KLHL22: variants seen among roughly 807,000 people sequenced by gnomAD.
The protein encoded by KLHL22 is kelch-like protein 22.
A neutral mutation model predicts 60.7 loss-of-function variants in KLHL22; 18 were observed. That is an observed-to-expected ratio of 0.30 (90% CI 0.20 to 0.44). The LOEUF (loss-of-function observed/expected upper bound fraction) is 0.44, where lower values mean the gene tolerates loss of function less well. Among genes scored for constraint, KLHL22 ranks in the 20% least tolerant of loss-of-function variants. The probability of loss-of-function intolerance (pLI) is 1.00; values close to 1 mark genes in which losing one functional copy is unlikely to be tolerated. For synonymous variants in KLHL22, 355 were observed against 354.5 expected (o/e 1.00, Z -0.01); for missense variants, 596 against 852.3 (o/e 0.70, Z 3.74).
rs2053752090 is a variant in KLHL22, at chr22:20,495,354, C to T, written c.-34+406G>A. On this transcript the variant is annotated intron_variant, in intron 1 of 6. Transcript: ENST00000328879. The surrounding 1 kb of genome is among the most constrained non-coding windows in gnomAD (Gnocchi z 4.6). Reference sequence around the variant, plus strand: ...ATCGAGGGAACTGAGGCTCGTCAGGCCGGCCCCAAATCGCCCGCCTGTTGC... The same window carrying T: ...ATCGAGGGAACTGAGGCTCGTCAGGTCGGCCCCAAATCGCCCGCCTGTTGC... 6.6e-6 allele frequency among the ~76,000 whole-genome samples: 1 copy of T among 152,198 alleles called. No homozygotes were observed. Among genetic ancestry groups the T allele is most frequent in the South Asian group, 2.1e-4 (1 of 4,834 alleles).
intron 2 of KLHL22, among the ~76,000 whole-genome samples, chr22:20,484,994 A>G (rs1198627339): frequency 1.3e-5 from 2 of 152,176 alleles, no homozygotes; most frequent in African/African-American, 4.8e-5. Flanking sequence ...CCTACCCTGG[A>G]AAACATCTGG....
At chr22:20,470,804 A>ATGGC in intron 3 of KLHL22, among the ~76,000 whole-genome samples, 1 of 150,388 alleles carries the variant, frequency 6.6e-6, no homozygotes, top group East Asian at 1.9e-4. Flanking sequence ...GGATGGATGG[A>ATGGC]TGGATGGATG....
intron 1 of KLHL22, chr22:20,493,339 A>G (rs1601399668): frequency 1.2e-5 from 5 of 430,114 alleles, no homozygotes; most frequent in African/African-American, 2.0e-5. Context: ...AAATGAATCA[A>G]TTCTCTGCTG....
At chr22:20,471,179 C>T (rs1007997762) in intron 3 of KLHL22, among the ~76,000 whole-genome samples, 171 bp downstream of exon 3, 2 of 152,214 alleles carry the variant, frequency 1.3e-5, no homozygotes, top group Non-Finnish European at 2.9e-5. Context: ...TCTGCTTGAG[C>T]TCCAGGAACA....
chr22:20,480,780 A>G (rs1404691295), intron 2 of KLHL22, among the ~76,000 whole-genome samples: 1 of 150,634 alleles, frequency 6.6e-6, no homozygotes, highest in Admixed American at 6.6e-5. Context: ...CTCGAAAATA[A>G]TTTTGAGTTT....
chr22:20,482,659 G>A (rs963170524), intron 2 of KLHL22, among the ~76,000 whole-genome samples: 1 of 151,662 alleles, frequency 6.6e-6, no homozygotes, highest in Non-Finnish European at 1.5e-5. Context: ...TGCAACCTCC[G>A]CCTCCCAGGT....
rs371530493 is a variant in KLHL22 at position 20,489,588 on chromosome 22, C to T, written c.-33-344G>A. ...CAACATGACCAAACTGAGCCTCGAGCTCCCCAATTTTAAAAAGAGAGATAA... is the reference window on the plus strand; with the variant it reads ...CAACATGACCAAACTGAGCCTCGAGTTCCCCAATTTTAAAAAGAGAGATAA... On this transcript the variant is annotated intron_variant, in intron 1 of 6. Transcript: ENST00000328879. Among the ~76,000 whole-genome samples, 62 of 152,282 alleles carry T rather than the reference C, an allele frequency of 4.1e-4. No individual in the cohort carries two copies. In the East Asian group the frequency reaches 0.011, roughly 28 times the overall value.
At chr22:20,461,354 C>A (rs1315230053) in intron 4 of KLHL22, among the ~76,000 whole-genome samples, 7 of 151,442 alleles carry the variant, frequency 4.6e-5, no homozygotes, top group Admixed American at 3.9e-4. Flanking sequence ...GAGATCAAGA[C>A]CATCCTGGCT....
At chr22:20,466,228 G>T (rs2053232836) in intron 3 of KLHL22, among the ~76,000 whole-genome samples, 1 of 151,982 alleles carries the variant, frequency 6.6e-6, no homozygotes, top group East Asian at 1.9e-4. Flanking sequence ...ACAAAAATTA[G>T]CTGGGCGTGG....
intron 5 of KLHL22, 46 bp from the exon 6 acceptor site, chr22:20,446,722 A>G (rs775332392): frequency 7.3e-6 from 11 of 1,504,990 alleles, no homozygotes; most frequent in Non-Finnish European, 1.0e-5. Context: ...GCAGTGAGGA[A>G]GGGTGGCTGG....
rs528469361 is a variant in KLHL22, at chr22:20,443,393, G to C, written c.1540-955C>G. 7.2e-4 allele frequency among the ~76,000 whole-genome samples: 110 copies of C among 152,108 alleles called. 1 individual carries two copies. Among genetic ancestry groups the C allele is most frequent in the Admixed American group, 2.2e-3 (34 of 15,280 alleles). On this transcript the variant is annotated intron_variant, in intron 6 of 6. Transcript: ENST00000328879. ...TTAAGGGTGCAGACCCTGAGATGGG[G>C]CAGTTTTCCTGGATTTTCCAGGTGA... is the stretch of plus-strand genomic sequence containing the variant.
intron 5 of KLHL22, among the ~76,000 whole-genome samples, chr22:20,452,013 G>T (rs1442679496): frequency 6.6e-6 from 1 of 152,008 alleles, no homozygotes; most frequent in Non-Finnish European, 1.5e-5. Context: ...TGAGAAGGGT[G>T]GGTAACAGAT....
At chr22:20,472,313 G>A (rs1169543218) in intron 2 of KLHL22, among the ~76,000 whole-genome samples, 2 of 151,236 alleles carry the variant, frequency 1.3e-5, no homozygotes, top group Non-Finnish European at 2.9e-5. Context: ...TAAAATAGCT[G>A]GGCGCGGTGG....
intron 2 of KLHL22, among the ~76,000 whole-genome samples, chr22:20,486,437 T>G (rs2053588278): frequency 6.6e-6 from 1 of 152,074 alleles, no homozygotes; most frequent in Admixed American, 6.5e-5. Flanking sequence ...GTCTCAGCAC[T>G]GGGTGCATCG....
chr22:20,450,622 G>A, intron 5 of KLHL22: 1 of 1,593,436 alleles, frequency 6.3e-7, no homozygotes, highest in Non-Finnish European at 8.6e-7. Context: ...GGTACAGCAT[G>A]AAGAGTTCAT....
intron 3 of KLHL22, among the ~76,000 whole-genome samples, chr22:20,467,414 G>T (rs1273246287): frequency 2.0e-5 from 3 of 152,146 alleles, no homozygotes; most frequent in Admixed American, 6.5e-5. Flanking sequence ...CTATACATAA[G>T]TTCCCCTAAT....
At chr22:20,472,448 G>A (rs899282315) in intron 2 of KLHL22, among the ~76,000 whole-genome samples, 9 of 152,100 alleles carry the variant, frequency 5.9e-5, no homozygotes, top group Admixed American at 1.3e-4. Flanking sequence ...AAAATTGGCC[G>A]GGCGTGGTGG....
At chr22:20,461,335 T>C (rs914135906) in intron 4 of KLHL22, among the ~76,000 whole-genome samples, 3 of 149,482 alleles carry the variant, frequency 2.0e-5, no homozygotes, top group East Asian at 2.1e-4. Flanking sequence ...GGGAGGATCA[T>C]GAGGTCAGGA....
At chr22:20,453,483 T>G (rs554343438) in intron 5 of KLHL22, among the ~76,000 whole-genome samples, 200 of 152,324 alleles carry the variant, frequency 1.3e-3, no homozygotes, top group African/African-American at 4.7e-3. Context: ...CTCAGGTCTG[T>G]GGGTTTTCCA....
Sources: allele counts gnomAD v4.1 joint callset (sites outside exome capture counted in the v4.1 genomes callset), GRCh38; gene constraint gnomAD v4.1.1; non-coding constraint Gnocchi (gnomAD v3.1); transcripts MANE v1.5; gene names NCBI Gene and HGNC (gene_info 2026-07-23, HGNC 2026-07-21).